The following NTM variants were observed in gnomAD, a reference collection of about 807,000 sequenced individuals.
The protein encoded by NTM is neurotrimin.
Under a neutral mutation model 42.1 loss-of-function variants are expected in NTM, and 13 were observed. The ratio of observed to expected loss-of-function variants is 0.31; its 90% CI spans 0.20 to 0.49. The LOEUF (loss-of-function observed/expected upper bound fraction) is 0.49. Ranked by LOEUF, NTM falls within the 20% of genes least tolerant of loss-of-function variation. The pLI, the probability that NTM is intolerant of heterozygous loss-of-function variation, is 0.99. For missense variants in NTM, 373 were observed against 452.8 expected, an observed-to-expected ratio of 0.82 and a Z score of 1.60; for synonymous variants, 187 against 179.2, an observed-to-expected ratio of 1.04 and a Z score of -0.35.
intron 1 of NTM, among the ~76,000 whole-genome samples, chr11:131,873,382 A>C (rs529935602): frequency 5.3e-5 from 8 of 151,492 alleles, no homozygotes; most frequent in African/African-American, 1.9e-4. Flanking sequence ...GCAAGGGGAG[A>C]TACAGCGTTA....
At chr11:131,847,731 A>T (rs560435593) in intron 1 of NTM, among the ~76,000 whole-genome samples, 1 of 151,902 alleles carries the variant, frequency 6.6e-6, no homozygotes, top group South Asian at 2.1e-4. Flanking sequence ...AAAAAAAAAT[A>T]AAAATAAAAT....
chr11:131,710,624 C>G (rs2077025293), intron 1 of NTM, among the ~76,000 whole-genome samples: 1 of 152,138 alleles, frequency 6.6e-6, no homozygotes, highest in Non-Finnish European at 1.5e-5. Flanking sequence ...AATACCCAAA[C>G]CAGCACCATT....
chr11:131,646,740 C>A (rs2065819086), intron 1 of NTM, among the ~76,000 whole-genome samples: 1 of 152,112 alleles, frequency 6.6e-6, no homozygotes, highest in African/African-American at 2.4e-5. Context: ...TAGTGGGGAA[C>A]TGAGAAAAAC....
intron 3 of NTM, among the ~76,000 whole-genome samples, chr11:132,147,202 TGTGTGTGTGTGTGAGA>T (rs368116800): frequency 2.7e-4 from 39 of 145,208 alleles, no homozygotes; most frequent in African/African-American, 1.1e-3. Context: ...TGTGTGTGTG[TGTGTGTGTGTGTGAGA>T]GAGAGAGAGA....
At chr11:132,274,682 C>A (rs571963319) in intron 4 of NTM, among the ~76,000 whole-genome samples, 4 of 152,190 alleles carry the variant, frequency 2.6e-5, no homozygotes, top group Non-Finnish European at 5.9e-5. Flanking sequence ...TGCTTTATAG[C>A]CCAGTATATG....
Position 132,132,146 on chromosome 11 carries a change from G to A in NTM, c.168-14136G>A, listed in dbSNP as rs1350050065. The stretch of plus-strand genomic sequence containing the variant: ...CCTCTGCCTGACGTTTTATACCTGT[G>A]CGACCACTGCCCCGCCCCCATCTGC... On this transcript the variant is annotated intron_variant, in intron 2 of 8. Transcript: ENST00000683400. Among the ~76,000 whole-genome samples, 3 of 152,294 alleles carry A rather than the reference G, an allele frequency of 2.0e-5. No homozygotes were observed. The East Asian group carries it at 5.8e-4, about 29-fold the overall frequency.
At position 131,618,545 on chromosome 11, in the gene NTM, C is replaced by T. The variant is rs1028261758; in HGVS notation, c.82+247657C>T. 4.6e-5 allele frequency among the ~76,000 whole-genome samples: 7 copies of T among 152,236 alleles called. No individual in the cohort carries two copies. In the East Asian group the frequency reaches 5.8e-4, roughly 13 times the overall value. ...GCTCCTATTTGACTCTGATTCATTC[C>T]GGTGGGAGCAGCGTTTTAAGTTCAA... On this transcript the variant is annotated intron_variant, in intron 1 of 8. Coordinates refer to ENST00000683400, the MANE Select transcript of NTM (RefSeq NM_001352005.2).
intron 1 of NTM, among the ~76,000 whole-genome samples, chr11:131,377,548 C>T (rs1293874656): frequency 6.6e-6 from 1 of 152,232 alleles, no homozygotes; most frequent in Non-Finnish European, 1.5e-5. Context: ...ATAACCTCCT[C>T]TATGAGAACC....
At chr11:131,424,287 T>A (rs892773518) in intron 1 of NTM, among the ~76,000 whole-genome samples, 8 of 152,054 alleles carry the variant, frequency 5.3e-5, no homozygotes, top group African/African-American at 1.9e-4. Flanking sequence ...CCTGCTAAGG[T>A]ATTTGCATAC....
intron 1 of NTM, among the ~76,000 whole-genome samples, chr11:131,504,827 G>C (rs1253417188): frequency 2.0e-5 from 3 of 152,208 alleles, no homozygotes; most frequent in South Asian, 2.1e-4. Flanking sequence ...CCTCCTGCAT[G>C]CACATATGCC....
intron 4 of NTM, among the ~76,000 whole-genome samples, chr11:132,299,716 T>C (rs1025788725): frequency 2.0e-5 from 3 of 152,318 alleles, no homozygotes; most frequent in Middle Eastern, 3.4e-3. Flanking sequence ...ATGTTTGTTA[T>C]CAACTGTGTG....
At chr11:132,027,571 C>T (rs1165313958) in intron 2 of NTM, among the ~76,000 whole-genome samples, 1 of 152,170 alleles carries the variant, frequency 6.6e-6, no homozygotes, top group African/African-American at 2.4e-5. Flanking sequence ...ACTCGACGCT[C>T]CTCTTCCTGT....
At chr11:131,669,905 C>T (rs999760819) in intron 1 of NTM, among the ~76,000 whole-genome samples, 8 of 152,112 alleles carry the variant, frequency 5.3e-5, no homozygotes, top group African/African-American at 1.7e-4. Flanking sequence ...ACAAAGGGGC[C>T]GGATAAGTCA....
intron 2 of NTM, among the ~76,000 whole-genome samples, chr11:131,924,536 C>T (rs897171525): frequency 7.9e-5 from 12 of 152,114 alleles, no homozygotes; most frequent in African/African-American, 2.7e-4. Flanking sequence ...GAATGTGAGC[C>T]GAAGCTCTGT....
chr11:131,504,263 C>T (rs1021861848), intron 1 of NTM, among the ~76,000 whole-genome samples: 2 of 152,198 alleles, frequency 1.3e-5, no homozygotes, highest in Non-Finnish European at 2.9e-5. Flanking sequence ...TGCCTGTTCC[C>T]ACTCTGACTT....
chr11:131,895,422 C>T (rs1414017192), intron 1 of NTM, among the ~76,000 whole-genome samples: 1 of 152,136 alleles, frequency 6.6e-6, no homozygotes, highest in African/African-American at 2.4e-5. Flanking sequence ...ACCTAGACTA[C>T]CTTTCTCAAT....
At chr11:132,252,702 T>C (rs2092081255) in intron 4 of NTM, among the ~76,000 whole-genome samples, 1 of 152,174 alleles carries the variant, frequency 6.6e-6, no homozygotes, top group Non-Finnish European at 1.5e-5. Flanking sequence ...TGGGTCTTTT[T>C]GTCCTGATAT....
chr11:131,530,189 G>A (rs1259741995), intron 1 of NTM, among the ~76,000 whole-genome samples: 3 of 152,174 alleles, frequency 2.0e-5, no homozygotes, highest in Non-Finnish European at 4.4e-5. Context: ...ACCCTCTGGT[G>A]CCTGGCACAG....
intron 1 of NTM, among the ~76,000 whole-genome samples, chr11:131,790,644 C>T (rs2090801473): frequency 6.6e-6 from 1 of 152,158 alleles, no homozygotes; most frequent in African/African-American, 2.4e-5. Flanking sequence ...TCCTCACAGA[C>T]TGTTGTGGTA....
Sources: gnomAD v4.1 joint callset for allele counts (sites outside exome capture counted in the v4.1 genomes callset) on GRCh38, gnomAD v4.1.1 for gene constraint, MANE v1.5 for transcripts, NCBI Gene and HGNC (gene_info 2026-07-23, HGNC 2026-07-21) for gene names.